PRIMA1: variants seen among roughly 807,000 people sequenced by gnomAD.
PRIMA1 encodes proline-rich membrane anchor 1.
PRIMA1 carries 7 observed loss-of-function variants against 17.5 expected under a neutral mutation model. That is an observed-to-expected ratio of 0.40 (90% CI 0.23 to 0.75). The LOEUF is 0.75. Ranked by LOEUF, PRIMA1 falls within the 30% of genes least tolerant of loss-of-function variation. PRIMA1 has a pLI of 0.37. For synonymous variants in PRIMA1, 97 were observed against 77.9 expected, an observed-to-expected ratio of 1.25 and a Z score of -1.29; for missense variants, 200 against 201.8, an observed-to-expected ratio of 0.99 and a Z score of 0.05.
chr14:93,724,101 T>A (rs2076059924), intron 4 of PRIMA1, among the ~76,000 whole-genome samples: 1 of 152,122 alleles, frequency 6.6e-6, no homozygotes, highest in African/African-American at 2.4e-5. Context: ...CCCAGGCTGT[T>A]CTTGAACTCC....
At chr14:93,725,330 T>G (rs2076068007) in intron 4 of PRIMA1, among the ~76,000 whole-genome samples, 1 of 151,492 alleles carries the variant, frequency 6.6e-6, no homozygotes, top group Admixed American at 6.6e-5. Context: ...TCTGCTCCCC[T>G]CCTGCCACCG....
At chr14:93,750,137 G>C (rs1302035789) in intron 3 of PRIMA1, among the ~76,000 whole-genome samples, 1 of 152,016 alleles carries the variant, frequency 6.6e-6, no homozygotes, top group Non-Finnish European at 1.5e-5. Context: ...GCAGTGTGCC[G>C]AGATCGTGCC....
chr14:93,787,738 T>C lies in PRIMA1; in HGVS notation c.-20A>G. On this transcript the variant is annotated 5_prime_UTR_variant, in exon 2 of 5. Transcript: ENST00000393140. ...GAGCATCTCGGCCAGCGGCGCCCGC[T>C]CCTGGGGCGAACTGTCAGGAGAGCA... 2.6e-6 allele frequency: 4 copies of C among 1,541,106 alleles called. No homozygotes were observed. The South Asian group carries it at 4.8e-5, about 18-fold the overall frequency.
At position 93,726,554 on chromosome 14, in the gene PRIMA1, A is replaced by G. The variant is rs536831995; in HGVS notation, c.360-5008T>C. On this transcript the variant is annotated intron_variant, in intron 4 of 4. Coordinates refer to ENST00000393140, the MANE Select transcript of PRIMA1 (RefSeq NM_178013.4). This position sits in a 1 kb window ranked among gnomAD's most constrained non-coding sequence, Gnocchi z 4.2. ...CACATAGACACATGTACACATGCAC[A>G]AATCCACATACACACACACTATACA... 1.2e-4 allele frequency among the ~76,000 whole-genome samples: 18 copies of G among 152,184 alleles called. No individual in the cohort carries two copies. The highest frequency in any genetic ancestry group is 2.4e-4 in the Non-Finnish European group (16 of 68,000).
At chr14:93,763,399 C>T (rs539882511) in intron 3 of PRIMA1, among the ~76,000 whole-genome samples, 25 of 152,304 alleles carry the variant, frequency 1.6e-4, no homozygotes, top group Admixed American at 1.0e-3. Context: ...GAGGCCAGCT[C>T]ACCCTTCTGA....
intron 4 of PRIMA1, among the ~76,000 whole-genome samples, chr14:93,733,488 G>C (rs1228555076): frequency 2.6e-5 from 4 of 152,114 alleles, no homozygotes; most frequent in African/African-American, 9.7e-5. Flanking sequence ...GCCCGTCCCT[G>C]CCGAGGCCCG....
At chr14:93,776,506 C>T (rs562288305) in intron 3 of PRIMA1, among the ~76,000 whole-genome samples, 2 of 152,264 alleles carry the variant, frequency 1.3e-5, no homozygotes, top group African/African-American at 4.8e-5. Context: ...CTCAAGAGAC[C>T]CCCACCTGAC....
intron 3 of PRIMA1, among the ~76,000 whole-genome samples, chr14:93,776,877 G>A (rs547846067): frequency 6.6e-6 from 1 of 152,298 alleles, no homozygotes; most frequent in South Asian, 2.1e-4. Context: ...TTAACAAATA[G>A]AGAGAAAGTC....
intron 3 of PRIMA1, among the ~76,000 whole-genome samples, chr14:93,750,102 C>T (rs1267494962): frequency 2.0e-5 from 3 of 152,002 alleles, no homozygotes; most frequent in East Asian, 1.9e-4. Flanking sequence ...GAAACAGAAT[C>T]GCTTGAGCCC....
chr14:93,729,312 G>A (rs943972690), intron 4 of PRIMA1, among the ~76,000 whole-genome samples: 10 of 152,208 alleles, frequency 6.6e-5, no homozygotes, highest in African/African-American at 2.4e-4. Context: ...GTACAACCAG[G>A]TGTGGTGATT....
chr14:93,741,817 G>A (rs1277615673), intron 3 of PRIMA1, among the ~76,000 whole-genome samples: 1 of 152,070 alleles, frequency 6.6e-6, no homozygotes, highest in South Asian at 2.1e-4. Flanking sequence ...TGCCTCCTCT[G>A]TCACCCCCTC....
chr14:93,735,494 G>C (rs1278995127), intron 4 of PRIMA1, among the ~76,000 whole-genome samples: 2 of 152,208 alleles, frequency 1.3e-5, no homozygotes, highest in Middle Eastern at 3.4e-3. Context: ...AATGCACCGT[G>C]ACTCCTCCGG....
chr14:93,760,246 G>A lies in PRIMA1; in HGVS notation c.229+18930C>T, dbSNP rs578224416. ...AACTCGGCCTCCTTCCCATCTCCGT[G>A]AGATTCATTGTCCTACCTCGACTAA... On this transcript the variant is annotated intron_variant, in intron 3 of 4. Transcript: ENST00000393140. Among the ~76,000 whole-genome samples the A allele has an allele frequency of 1.3e-3, 192 of 152,254 alleles. 2 individuals are homozygous for A. The highest frequency in any genetic ancestry group is 4.4e-3 in the African/African-American group (183 of 41,530).
At chr14:93,728,771 T>A (rs1234265802) in intron 4 of PRIMA1, among the ~76,000 whole-genome samples, 1 of 152,124 alleles carries the variant, frequency 6.6e-6, no homozygotes, top group Non-Finnish European at 1.5e-5. Flanking sequence ...CTGCTGAGCA[T>A]TCTGTCCATG....
rs2076034070 is a variant in PRIMA1 at position 93,721,035 on chromosome 14, T to G, written c.*409A>C. 5.9e-6 allele frequency: 1 copy of G among 168,912 alleles called. No homozygotes were observed. Among genetic ancestry groups the G allele is most frequent in the Admixed American group, 6.0e-5 (1 of 16,588 alleles). The allele number at this position is 168,912 out of a possible 1,614,324, so 10.5% of individuals were successfully genotyped here. Reference sequence around the variant, plus strand: ...GGCTTCCTGGGAGGAGGAGAGGTTTTCCGGCAGGGAGTGGGCTCCGGACCA... The same window carrying G: ...GGCTTCCTGGGAGGAGGAGAGGTTTGCCGGCAGGGAGTGGGCTCCGGACCA... On this transcript the variant is annotated 3_prime_UTR_variant, in exon 5 of 5. Coordinates refer to ENST00000393140, the MANE Select transcript of PRIMA1 (RefSeq NM_178013.4).
At chr14:93,736,213 G>A (rs1278627940) in intron 4 of PRIMA1, among the ~76,000 whole-genome samples, 1 of 152,206 alleles carries the variant, frequency 6.6e-6, no homozygotes, top group Non-Finnish European at 1.5e-5. Context: ...GAAACACGGT[G>A]TGTAGTCAGG....
intron 4 of PRIMA1, among the ~76,000 whole-genome samples, chr14:93,731,315 C>T (rs1008211156): frequency 9.4e-6 from 1 of 105,976 alleles, no homozygotes; most frequent in African/African-American, 3.0e-5. Flanking sequence ...ATTTAAATAG[C>T]AGTATACACA....
rs1595225659 is a variant in PRIMA1 at position 93,779,097 on chromosome 14, C to G, written c.229+79G>C. 5 of 1,073,812 alleles carry G rather than the reference C, an allele frequency of 4.7e-6. No individual in the cohort carries two copies. In the East Asian group the frequency reaches 1.4e-4, roughly 31 times the overall value. The allele number at this position is 1,073,812 out of a possible 1,614,324, so 66.5% of individuals were successfully genotyped here. A position where few individuals can be genotyped will look rare whatever the true frequency, so the allele number is the denominator to read the frequency against. On this transcript the variant is annotated intron_variant, in intron 3 of 4. Transcript: ENST00000393140. The stretch of plus-strand genomic sequence containing the variant: ...AAATTACCAAGGAGGCAGGGCTGCC[C>G]TCGGCCACACTCAGTGGATCTTCGT...
rs549939924 is a variant in PRIMA1, at chr14:93,728,817, G to A, written c.360-7271C>T. Reference sequence around the variant, plus strand: ...GTGCACGGAGGCCTGGGCTCCATGCGCCCCACACCAAGGATGCCGGCAGAT... The same window carrying A: ...GTGCACGGAGGCCTGGGCTCCATGCACCCCACACCAAGGATGCCGGCAGAT... On this transcript the variant is annotated intron_variant, in intron 4 of 4. Transcript: ENST00000393140. Among the ~76,000 whole-genome samples the A allele has an allele frequency of 3.3e-5, 5 of 152,280 alleles. No homozygotes were observed. The East Asian group carries it at 5.8e-4, about 18-fold the overall frequency.
Sources: allele counts gnomAD v4.1 joint callset (sites outside exome capture counted in the v4.1 genomes callset), GRCh38; gene constraint gnomAD v4.1.1; non-coding constraint Gnocchi (gnomAD v3.1); transcripts MANE v1.5; gene names NCBI Gene and HGNC (gene_info 2026-07-23, HGNC 2026-07-21).